The following AGBL5 variants were observed in gnomAD, a reference collection of about 807,000 sequenced individuals.
AGBL5 encodes cytosolic carboxypeptidase-like protein 5.
AGBL5 carries 51 observed loss-of-function variants against 88.0 expected under a neutral mutation model. The observed-to-expected ratio is 0.58, with a 90% CI of 0.46 to 0.73. The LOEUF (loss-of-function observed/expected upper bound fraction) is 0.73, where lower values mean the gene tolerates loss of function less well. AGBL5 is among the 30% of genes least tolerant of loss of function. The pLI is 0.00. For synonymous variants in AGBL5, 446 were observed against 438.8 expected (o/e 1.02, Z -0.21); for missense variants, 1,031 against 1,162.2 (o/e 0.89, Z 1.64).
intron 14 of AGBL5, 57 bp from the exon 15 acceptor site, chr2:27,070,035 G>A (rs58451392): frequency 4.5e-6 from 7 of 1,569,246 alleles, no homozygotes; most frequent in Non-Finnish European, 5.2e-6. Context: ...CTGGTTAGCA[G>A]AACAGAAGAG....
In AGBL5 at chr2:27,056,664, A is replaced by C. The variant is rs757028776; in HGVS notation, c.1407A>C (p.Ser469=). 33 of 1,613,258 alleles carry C rather than the reference A, an allele frequency of 2.0e-5. No homozygotes were observed. The highest frequency in any genetic ancestry group is 2.8e-5 in the Non-Finnish European group (33 of 1,179,470). ...MLYPKLISLN[S]AHFDFQGCNF... ...ATCCAAAGCTCATCTCCTTGAATTC[A>C]GCCCACTTCGACTTCCAGGGCTGCA... The change falls in exon 8 of 15, where the codon TCA becomes TCC. Residue 469 remains serine (S), a synonymous_variant. Coordinates refer to ENST00000360131, the MANE Select transcript of AGBL5 (RefSeq NM_021831.6).
rs550740957 is a variant in AGBL5, at chr2:27,064,410, C to T, written c.2090-3084C>T. 2.6e-5 allele frequency among the ~76,000 whole-genome samples: 4 copies of T among 152,046 alleles called. No individual in the cohort carries two copies. In the South Asian group the frequency reaches 8.3e-4, roughly 32 times the overall value. On this transcript the variant is annotated intron_variant, in intron 11 of 14. Coordinates refer to ENST00000360131, the MANE Select transcript of AGBL5 (RefSeq NM_021831.6). The stretch of plus-strand genomic sequence containing the variant: ...TCCCTGGCTCAAGTGATCCTCCAGC[C>T]TCAGCCTCCCTAGTAGCTGGGCCTA...
Position 27,054,026 on chromosome 2 carries a change from A to G in AGBL5, c.518A>G (p.Gln173Arg), listed in dbSNP as rs1452917572. 1 of 1,613,906 alleles carries G rather than the reference A, an allele frequency of 6.2e-7. No homozygotes were observed. Among genetic ancestry groups the G allele is most frequent in the Non-Finnish European group, 8.5e-7 (1 of 1,179,900 alleles). Residue 173 changes from glutamine to arginine, a missense_variant, in exon 4 of 15, where the codon CAG (glutamine) becomes CGG (arginine). Gln to Arg is a conservative substitution (Grantham distance 43, BLOSUM62 1). Around this residue, in one of 2 missense-constraint regions of AGBL5, gnomAD observed 540 missense variants for 678.2 expected, o/e 0.80. Transcript: ENST00000360131. ...CAGGAACTGCTAAACCAGCTAGACC[A>G]GCGCTTTCCGGAGAACCACCCTACC... ...DCQELLNQLDQRFPENHPTHS... is the reference protein window; with the variant it reads ...DCQELLNQLDRRFPENHPTHS...
At position 27,053,444 on chromosome 2, in the gene AGBL5, A is replaced by T. The variant is rs370791852; in HGVS notation, c.258A>T (p.Lys86Asn). ...YFSVRGGMPG[K>N]LIKINIMNMN... ...GCGTCCGGGGAGGAATGCCAGGAAA[A>T]CTCATCAAGATCAACATTATGAACA... Residue 86 changes from lysine to asparagine, a missense_variant, in exon 3 of 15, where the codon AAA becomes AAT. Physicochemically the swap from Lys to Asn is moderately conservative, Grantham distance 94. This residue lies in a region of AGBL5 where 540 missense variants were observed against 678.2 expected (regional missense o/e 0.80). Transcript: ENST00000360131. The surrounding 1 kb of genome is among the most constrained non-coding windows in gnomAD (Gnocchi z 4.9). 354 of 1,613,726 alleles carry T rather than the reference A, an allele frequency of 2.2e-4. No individual in the cohort carries two copies. The highest frequency in any genetic ancestry group is 2.9e-4 in the Non-Finnish European group (339 of 1,180,012).
rs1669119992 is a variant in AGBL5 at position 27,068,757 on chromosome 2, G to C, written c.2355+13G>C. ...GACTCGATTGCAGGTAATATTTTTG[G>C]GTCTCCAGCATAGCTACTCTGGCAG... On this transcript the variant is annotated intron_variant, in intron 13 of 14. Coordinates refer to ENST00000360131, the MANE Select transcript of AGBL5 (RefSeq NM_021831.6). The C allele has an allele frequency of 1.2e-6, 2 of 1,613,442 alleles. No homozygotes were observed. The highest frequency in any genetic ancestry group is 2.2e-5 in the South Asian group (2 of 90,916).
intron 13 of AGBL5, chr2:27,069,245 C>A: frequency 1.0e-6 from 1 of 985,410 alleles, no homozygotes; most frequent in Non-Finnish European, 1.2e-6. Context: ...GCATAGAGGG[C>A]TCTGAGAGAG....
chr2:27,053,917 T>G lies in AGBL5; in HGVS notation c.409T>G (p.Leu137Val). The change falls in exon 4 of 15, where the codon TTA becomes GTA. Residue 137 changes from leucine (L) to valine (V), a missense_variant. Coordinates refer to ENST00000360131, the MANE Select transcript of AGBL5 (RefSeq NM_021831.6). The surrounding 1 kb of genome is among the most constrained non-coding windows in gnomAD (Gnocchi z 4.9). ...TFEMTETQFV[L>V]SFVHRFVEGR... ...TCAGATGACAGAGACGCAGTTTGTGTTATCCTTTGTTCATCGTTTCGTGGA... is the reference window on the plus strand; with the variant it reads ...TCAGATGACAGAGACGCAGTTTGTGGTATCCTTTGTTCATCGTTTCGTGGA... 6.2e-7 allele frequency: 1 copy of G among 1,614,022 alleles called. No individual in the cohort carries two copies. Among genetic ancestry groups the G allele is most frequent in the Non-Finnish European group, 8.5e-7 (1 of 1,179,922 alleles).
rs1181020272 is a variant in AGBL5 at position 27,055,943 on chromosome 2, A to G, written c.1170A>G (p.Lys390=). The change falls in exon 7 of 15, where the codon AAA becomes AAG. Residue 390 remains lysine, a synonymous_variant. Transcript: ENST00000360131. Reference sequence around the variant, plus strand: ...ACAGGCATAACGCTGAAGCCTGGAAACAAACAGAGCCAGCAGAACAGAAGC... The same window carrying G: ...ACAGGCATAACGCTGAAGCCTGGAAGCAAACAGAGCCAGCAGAACAGAAGC... ...SADRHNAEAW[K]QTEPAEQKLN... is the part of the protein sequence containing the mutation. 6.2e-7 allele frequency: 1 copy of G among 1,614,222 alleles called. No individual in the cohort carries two copies. Among genetic ancestry groups the G allele is most frequent in the Middle Eastern group, 1.6e-4 (1 of 6,062 alleles).
intron 6 of AGBL5, chr2:27,055,465 G>A: frequency 2.4e-6 from 2 of 830,042 alleles, no homozygotes; most frequent in Non-Finnish European, 3.7e-6. Context: ...AGGCCCATCT[G>A]GGTGGAGGCA....
At chr2:27,059,601 C>A in intron 11 of AGBL5, 197 bp downstream of exon 11, 1 of 1,313,946 alleles carries the variant, frequency 7.6e-7, no homozygotes, top group Non-Finnish European at 1.0e-6. Flanking sequence ...TTGTGTGTGG[C>A]CAGAGGGGGA....
chr2:27,062,029 G>A (rs1261858118), intron 11 of AGBL5, among the ~76,000 whole-genome samples: 1 of 151,562 alleles, frequency 6.6e-6, no homozygotes, highest in African/African-American at 2.4e-5. Context: ...CGCTAGGCTG[G>A]TCTTGAACTC....
chr2:27,066,956 G>A (rs181486524), intron 11 of AGBL5, among the ~76,000 whole-genome samples: 107 of 151,946 alleles, frequency 7.0e-4, no homozygotes, highest in African/African-American at 2.4e-3. Flanking sequence ...GGTGGCATGC[G>A]CCTGTAATCC....
chr2:27,065,954 T>C (rs1016191077), intron 11 of AGBL5, among the ~76,000 whole-genome samples: 1 of 152,178 alleles, frequency 6.6e-6, no homozygotes, highest in Non-Finnish European at 1.5e-5. Flanking sequence ...TTCAAAAGTT[T>C]AGACTTCATC....
intron 6 of AGBL5, 67 bp from the exon 7 acceptor site, chr2:27,055,615 T>C (rs1343277537): frequency 2.1e-6 from 3 of 1,428,148 alleles, no homozygotes; most frequent in Non-Finnish European, 9.6e-7. Flanking sequence ...CTCCTTTTCA[T>C]CTACACTAGT....
chr2:27,066,268 CAG>C (rs1481856243), intron 11 of AGBL5, among the ~76,000 whole-genome samples: 1 of 147,310 alleles, frequency 6.8e-6, no homozygotes, highest in African/African-American at 2.5e-5. Flanking sequence ...CAGGTGAATG[CAG>C]AGATAGAATT....
At chr2:27,057,753 T>TA in intron 9 of AGBL5, among the ~76,000 whole-genome samples, 1 of 152,336 alleles carries the variant, frequency 6.6e-6, no homozygotes, top group African/African-American at 2.4e-5. Flanking sequence ...ACCCTGACTG[T>TA]AGTGGTCTTG....
intron 12 of AGBL5, chr2:27,067,985 G>A (rs1669078596): frequency 5.0e-6 from 2 of 398,324 alleles, no homozygotes; most frequent in African/African-American, 2.1e-5. Context: ...AGACAAAACA[G>A]GAGAATGAAA....
At chr2:27,067,890 T>C (rs995062601) in intron 12 of AGBL5, 7 of 564,346 alleles carry the variant, frequency 1.2e-5, no homozygotes, top group African/African-American at 9.4e-5. Flanking sequence ...AATCTCATTT[T>C]ATCAGTTGAG....
rs749862549 is a variant in AGBL5, at chr2:27,057,422, T to TG, written c.1657dup (p.Glu553GlyfsTer4). 1.9e-6 allele frequency: 3 copies of TG among 1,611,854 alleles called. No individual in the cohort carries two copies. The highest frequency in any genetic ancestry group is 2.5e-6 in the Non-Finnish European group (3 of 1,178,956). ...CCGGCTTTCCCCTCCAGATACACTG[T>TG]GGAACTATTTGAGCAGGTATGAATA... On this transcript the variant is annotated frameshift_variant, in exon 9 of 15. Coordinates refer to ENST00000360131, the MANE Select transcript of AGBL5 (RefSeq NM_021831.6). LOFTEE classifies it high-confidence loss of function.
Sources: allele counts gnomAD v4.1 joint callset (sites outside exome capture counted in the v4.1 genomes callset), GRCh38; gene constraint gnomAD v4.1.1; regional missense constraint gnomAD v4.1.1; non-coding constraint Gnocchi (gnomAD v3.1); transcripts MANE v1.5; gene names NCBI Gene and HGNC (gene_info 2026-07-23, HGNC 2026-07-21).